Variants in MYH14 observed in about 807,000 individuals in gnomAD.
The protein encoded by MYH14 is myosin heavy chain 14, also known as myosin-14.
In MYH14, 123 loss-of-function variants were observed where a neutral mutation model predicts 255.5. The observed-to-expected ratio is 0.48, with a 90% confidence interval of 0.42 to 0.56. The LOEUF is 0.56. Ranked by LOEUF, MYH14 falls within the 20% of genes least tolerant of loss-of-function variation. MYH14 has a pLI of 0.00. For synonymous variants in MYH14, 1,095 were observed against 1,161.2 expected, an observed-to-expected ratio of 0.94 and a Z score of 1.16; for missense variants, 2,423 against 2,802.3, an observed-to-expected ratio of 0.86 and a Z score of 3.06.
rs2035527912 is a variant in MYH14 at position 50,276,866 on chromosome 19, G to A, written c.3790G>A (p.Gly1264Arg). The A allele has an allele frequency of 6.2e-7, 1 of 1,611,902 alleles. No individual in the cohort carries two copies. The highest frequency in any genetic ancestry group is 1.3e-5 in the African/African-American group (1 of 74,926). ...GAGGCAGCGCCACGGCCAGGCCCTG[G>A]GGGAGCTGGCGGAGCAGCTGGAGCA... ...ELRQRHGQAL[G>R]ELAEQLEQAR... Residue 1264 changes from glycine (G) to arginine (R), a missense_variant, in exon 29 of 43, where the codon GGG becomes AGG. Gly to Arg is a moderately radical substitution (Grantham distance 125). Transcript: ENST00000642316. This position sits in a 1 kb window ranked among gnomAD's most constrained non-coding sequence, Gnocchi z 4.3.
In MYH14 at chr19:50,250,793, G is replaced by A. The variant is rs2034342649; in HGVS notation, c.1830+105G>A. On this transcript the variant is annotated intron_variant, in intron 15 of 42. Transcript: ENST00000642316. The surrounding 1 kb of genome is among the most constrained non-coding windows in gnomAD (Gnocchi z 5.4). ...CAGAGGGAAAACAGGGTCCTCCTGA[G>A]GTCCAGACAAACAGAGCAGGGGCTA... is the stretch of plus-strand genomic sequence containing the variant. 3.2e-6 allele frequency: 4 copies of A among 1,231,824 alleles called. No individual in the cohort carries two copies. Among genetic ancestry groups the A allele is most frequent in the Non-Finnish European group, 4.5e-6 (4 of 883,674 alleles). 76.3% of individuals were successfully genotyped at this position (1,231,824 alleles called of 1,614,324 possible). A position where few individuals can be genotyped will look rare whatever the true frequency, so the allele number is the denominator to read the frequency against.
intron 10 of MYH14, among the ~76,000 whole-genome samples, chr19:50,240,657 C>T (rs1235550267): frequency 1.3e-5 from 2 of 149,672 alleles, no homozygotes; most frequent in African/African-American, 4.9e-5. Flanking sequence ...GCCTCCCAGG[C>T]CAGGCACAGT....
At chr19:50,239,006 CA>C (rs909352864) in intron 10 of MYH14, among the ~76,000 whole-genome samples, 153 of 151,852 alleles carry the variant, frequency 1.0e-3, no homozygotes, top group African/African-American at 3.2e-3. Flanking sequence ...CCCCAACCTC[CA>C]AAAAAAAACA....
At chr19:50,265,358 A>AAC (rs1555770069) in intron 22 of MYH14, among the ~76,000 whole-genome samples, 4 of 151,930 alleles carry the variant, frequency 2.6e-5, no homozygotes, top group African/African-American at 9.7e-5. Flanking sequence ...ACAAAAAAAA[A>AAC]AAAAACAAAA....
chr19:50,295,249 C>A (rs566647757), intron 39 of MYH14, among the ~76,000 whole-genome samples: 2 of 151,628 alleles, frequency 1.3e-5, no homozygotes, highest in South Asian at 4.2e-4. Context: ...GGCATGAACC[C>A]GGGAGGCAGA....
intron 42 of MYH14, 136 bp downstream of exon 42, chr19:50,309,313 G>T (rs943394178): frequency 1.3e-5 from 12 of 890,132 alleles, no homozygotes; most frequent in African/African-American, 1.6e-5. Context: ...GGGAGCAGCG[G>T]CTGTGTTGCG....
At chr19:50,260,755 G>GTACAC (rs1568510435) in intron 20 of MYH14, 40 bp downstream of exon 20, 6 of 1,471,720 alleles carry the variant, frequency 4.1e-6, no homozygotes, top group African/African-American at 1.6e-5. Context: ...GTGCGTGTGT[G>GTACAC]TGTGTGCGTG....
Position 50,310,156 on chromosome 19 carries a change from A to G in MYH14, c.*366A>G, listed in dbSNP as rs1287849467. The G allele has an allele frequency of 6.9e-6, 2 of 290,112 alleles. No homozygotes were observed. Among genetic ancestry groups the G allele is most frequent in the South Asian group, 4.2e-5 (1 of 23,996 alleles). 18.0% of individuals were successfully genotyped at this position (290,112 alleles called of 1,614,324 possible). A position where few individuals can be genotyped will look rare whatever the true frequency, so the allele number is the denominator to read the frequency against. ...TCCTCCACCATCCTCAGCCAGTGCA[A>G]CCCATTCCCTCTGCTTCTCTCTCTC... is the stretch of plus-strand genomic sequence containing the variant. On this transcript the variant is annotated 3_prime_UTR_variant, in exon 43 of 43. Coordinates refer to ENST00000642316, the MANE Select transcript of MYH14 (RefSeq NM_001145809.2).
chr19:50,228,281 G>C (rs2033205372), intron 8 of MYH14, among the ~76,000 whole-genome samples: 1 of 136,528 alleles, frequency 7.3e-6, no homozygotes, highest in South Asian at 2.3e-4. Flanking sequence ...GCGAGACTCT[G>C]TGTCAAAAAA....
Position 50,250,689 on chromosome 19 carries a change from G to A in MYH14, c.1830+1G>A. ...CAGTGTTCTCCACTACGCGGGCAAG[G>A]TAGGGGCTGGGGCCGGCCTTGGGGC... On this transcript the variant is annotated splice_donor_variant, in intron 15 of 42. Transcript: ENST00000642316. LOFTEE classifies it high-confidence loss of function. This position sits in a 1 kb window ranked among gnomAD's most constrained non-coding sequence, Gnocchi z 5.4. The A allele has an allele frequency of 1.2e-6, 2 of 1,609,818 alleles. No homozygotes were observed. The highest frequency in any genetic ancestry group is 1.7e-6 in the Non-Finnish European group (2 of 1,176,552).
chr19:50,307,682 G>T (rs1233299112), intron 41 of MYH14, among the ~76,000 whole-genome samples: 1 of 152,196 alleles, frequency 6.6e-6, no homozygotes, highest in African/African-American at 2.4e-5. Context: ...AGCAGTTACT[G>T]TGTCATAAGC....
intron 39 of MYH14, among the ~76,000 whole-genome samples, chr19:50,300,963 A>G (rs546333912): frequency 6.6e-6 from 1 of 151,356 alleles, no homozygotes; most frequent in East Asian, 1.9e-4. Context: ...AAAAAAAAAA[A>G]CCCCACAAAG....
At chr19:50,219,202 T>C (rs2032675357) in intron 3 of MYH14, among the ~76,000 whole-genome samples, 1 of 150,612 alleles carries the variant, frequency 6.6e-6, no homozygotes, top group Non-Finnish European at 1.5e-5. Context: ...GCATTTAGTC[T>C]GGTTCCATAT....
chr19:50,259,094 G>GC (rs1378985977), intron 18 of MYH14, 50 bp from the exon 19 acceptor site: 1 of 1,525,462 alleles, frequency 6.6e-7, no homozygotes, highest in Non-Finnish European at 8.8e-7. Flanking sequence ...ACCGTTTGGC[G>GC]CCCCCGTGTG....
rs755751190 is a variant in MYH14, at chr19:50,249,749, C to T, written c.1582C>T (p.Arg528Cys). Residue 528 changes from arginine (R) to cysteine (C), a missense_variant, in exon 14 of 43, where the codon CGT (arginine) becomes TGT (cysteine). Arg to Cys is a radical substitution (Grantham distance 180). Coordinates refer to ENST00000642316, the MANE Select transcript of MYH14 (RefSeq NM_001145809.2). ...MFVLEQEEYQ[R>C]EGIPWTFLDF... is the part of the protein sequence containing the mutation. ...CGTGCTGGAGCAGGAGGAGTACCAG[C>T]GTGAGGGCATCCCCTGGACCTTCCT... 11 of 1,614,246 alleles carry T rather than the reference C, an allele frequency of 6.8e-6. No individual in the cohort carries two copies. The highest frequency in any genetic ancestry group is 5.5e-5 in the South Asian group (5 of 91,084).
At chr19:50,226,244 T>C (rs1212267673) in intron 7 of MYH14, among the ~76,000 whole-genome samples, 6 of 10,364 alleles carry the variant, frequency 5.8e-4, no homozygotes, top group Admixed American at 1.3e-3. Flanking sequence ...GGGCCCTGGA[T>C]TCTTGAGTCT....
chr19:50,249,893 G>T, intron 14 of MYH14, 70 bp downstream of exon 14: 2 of 1,570,558 alleles, frequency 1.3e-6, no homozygotes, highest in Non-Finnish European at 8.7e-7. Context: ...TGCGAGACCA[G>T]GGTCTAGCTC....
At chr19:50,246,133 C>CTTCT (rs2034116911) in intron 11 of MYH14, among the ~76,000 whole-genome samples, 9 of 55,706 alleles carry the variant, frequency 1.6e-4, no homozygotes, top group African/African-American at 4.9e-4. Flanking sequence ...CCTTCCTTCC[C>CTTCT]TCCTTCCTTC....
chr19:50,223,403 C>G, intron 5 of MYH14, 54 bp downstream of exon 5: 1 of 1,212,626 alleles, frequency 8.2e-7, no homozygotes. Flanking sequence ...ACTGCCCCTT[C>G]CATCTTGGGC....
Sources: gnomAD v4.1 joint callset for allele counts (sites outside exome capture counted in the v4.1 genomes callset) on GRCh38, gnomAD v4.1.1 for gene constraint, Gnocchi (gnomAD v3.1) non-coding constraint, MANE v1.5 for transcripts, NCBI Gene and HGNC (gene_info 2026-07-23, HGNC 2026-07-21) for gene names.